The following SYNE1 variants were observed in gnomAD, a reference collection of about 807,000 sequenced individuals.
SYNE1 encodes spectrin repeat containing nuclear envelope protein 1.
SYNE1 carries 616 observed loss-of-function variants against 1,111.0 expected under a neutral mutation model. The observed-to-expected ratio is 0.55, with a 90% CI of 0.52 to 0.59. The LOEUF (loss-of-function observed/expected upper bound fraction) is 0.59. Among genes scored for constraint, SYNE1 ranks in the 20% least tolerant of loss-of-function variants. The pLI is 0.00. For synonymous variants in SYNE1, 3,855 were observed against 3,825.8 expected (o/e 1.01, Z -0.28); for missense variants, 10,006 against 10,417.0 (o/e 0.96, Z 1.72).
intron 11 of SYNE1, among the ~76,000 whole-genome samples, chr6:152,495,727 A>T (rs960669678): frequency 2.6e-5 from 4 of 152,114 alleles, no homozygotes; most frequent in African/African-American, 9.7e-5. Flanking sequence ...AAATTAGCCA[A>T]TTGAAATTAG....
At chr6:152,256,495 T>C (rs1476377969) in intron 102 of SYNE1, 139 bp downstream of exon 102, 3 of 975,880 alleles carry the variant, frequency 3.1e-6, no homozygotes, top group Non-Finnish European at 4.7e-6. Context: ...TCCAGTGATC[T>C]TTGTTTCAGC....
chr6:152,510,238 T>A lies in SYNE1; in HGVS notation c.536A>T (p.Asn179Ile). ...CCACTTTAATAAAGCCTTCTTAGCA[T>A]TTCCTTGGATCTTGGTGGTCACCTT... ...KRKVTTKIQG[N>I]AKKALLKWVQ... The change falls in exon 8 of 146, where the codon AAT (asparagine) becomes ATT (isoleucine). Residue 179 changes from asparagine to isoleucine, a missense_variant. By Grantham distance (149) the Asn-to-Ile change is moderately radical. Transcript: ENST00000367255. 1 of 1,614,110 alleles carries A rather than the reference T, an allele frequency of 6.2e-7. No homozygotes were observed. Among genetic ancestry groups the A allele is most frequent in the Non-Finnish European group, 8.5e-7 (1 of 1,179,972 alleles).
chr6:152,584,874 A>G (rs1233754531), intron 3 of SYNE1, among the ~76,000 whole-genome samples: 1 of 152,210 alleles, frequency 6.6e-6, no homozygotes, highest in Admixed American at 6.5e-5. Context: ...TAATAGCTGC[A>G]TAATGTTGCA....
chr6:152,596,266 G>GGTT (rs2099581243), intron 3 of SYNE1, among the ~76,000 whole-genome samples: 2 of 118,732 alleles, frequency 1.7e-5, no homozygotes, highest in Admixed American at 9.4e-5. Flanking sequence ...TTTTTTGTTT[G>GGTT]TTTGTTTTTT....
At chr6:152,440,706 T>C (rs187907800) in intron 32 of SYNE1, among the ~76,000 whole-genome samples, 3 of 151,920 alleles carry the variant, frequency 2.0e-5, no homozygotes, top group African/African-American at 4.8e-5. Context: ...TAGCTGGGAC[T>C]ACAGGTGTGT....
intron 127 of SYNE1, among the ~76,000 whole-genome samples, chr6:152,192,427 T>G (rs1473805067): frequency 7.9e-6 from 1 of 126,528 alleles, no homozygotes. Context: ...CCTGGATACA[T>G]GAGCATACAT....
At chr6:152,145,390 G>T (rs974679766) in intron 137 of SYNE1, 21 of 1,197,862 alleles carry the variant, frequency 1.8e-5, no homozygotes, top group African/African-American at 3.0e-5. Flanking sequence ...TAACATGCTA[G>T]AGCCACAAAG....
At chr6:152,432,944 G>T (rs990401010) in intron 34 of SYNE1, among the ~76,000 whole-genome samples, 1 of 152,022 alleles carries the variant, frequency 6.6e-6, no homozygotes, top group Non-Finnish European at 1.5e-5. Flanking sequence ...TCTGCACAGC[G>T]GGTAATCTTA....
At position 152,461,727 on chromosome 6, in the gene SYNE1, C is replaced by G; in HGVS notation, c.2264G>C (p.Arg755Thr). Reference sequence around the variant, plus strand: ...GTATTGGGCATCCATCACAGGCACCCTCTGCTCAATATCCTGCATGAATCA... The same window carrying G: ...GTATTGGGCATCCATCACAGGCACCGTCTGCTCAATATCCTGCATGAATCA... ...LIQDLEDIEQ[R>T]VPVMDAQYKI... is the part of the protein sequence containing the mutation. Residue 755 changes from arginine to threonine, a missense_variant, in exon 21 of 146, where the codon AGG (arginine) becomes ACG (threonine). Around this residue, in one of 7 missense-constraint regions of SYNE1, gnomAD observed 1,971 missense variants for 2,084.1 expected, o/e 0.95. Transcript: ENST00000367255. The G allele has an allele frequency of 6.2e-7, 1 of 1,613,956 alleles. No individual in the cohort carries two copies. Among genetic ancestry groups the G allele is most frequent in the Non-Finnish European group, 8.5e-7 (1 of 1,179,930 alleles).
In SYNE1 at chr6:152,338,769, C is replaced by G. The variant is rs78755275; in HGVS notation, c.12351+472G>C. Reference sequence around the variant, plus strand: ...TACTGCTAGCTCATCATAGCCCAGACAGTTTCAAAATCCTTCTGAACACCA... The same window carrying G: ...TACTGCTAGCTCATCATAGCCCAGAGAGTTTCAAAATCCTTCTGAACACCA... On this transcript the variant is annotated intron_variant, in intron 75 of 145. Transcript: ENST00000367255. Among the ~76,000 whole-genome samples the G allele has an allele frequency of 4.7e-3, 720 of 152,294 alleles. 6 individuals are homozygous for G. Among genetic ancestry groups the G allele is most frequent in the African/African-American group, 0.016 (682 of 41,566 alleles).
intron 3 of SYNE1, among the ~76,000 whole-genome samples, chr6:152,575,237 C>T (rs1262425387): frequency 1.3e-5 from 2 of 152,176 alleles, no homozygotes; most frequent in Non-Finnish European, 2.9e-5. Flanking sequence ...TAATGTCATA[C>T]TGCATTGAGC....
intron 125 of SYNE1, 106 bp from the exon 126 acceptor site, chr6:152,206,468 C>T: frequency 8.0e-7 from 1 of 1,248,064 alleles, no homozygotes; most frequent in East Asian, 2.5e-5. Context: ...ATCCAGCAAG[C>T]ATTTACCGTA....
In SYNE1 at chr6:152,215,038, C is replaced by A. The variant is rs778036632; in HGVS notation, c.22214G>T (p.Ser7405Ile). 6.2e-7 allele frequency: 1 copy of A among 1,614,008 alleles called. No individual in the cohort carries two copies. The highest frequency in any genetic ancestry group is 8.5e-7 in the Non-Finnish European group (1 of 1,179,982). ...ELKGQMLKFSSMAPDLDRLNE... is the reference protein window; with the variant it reads ...ELKGQMLKFSIMAPDLDRLNE... ...TAGACGGTCTAAATCTGGAGCCATG[C>A]TGCTGAATTTTAACATCTGTCCCTA... The change falls in exon 122 of 146, where the codon AGC becomes ATC. Residue 7405 changes from serine (S) to isoleucine (I), a missense_variant. By Grantham distance (142) the Ser-to-Ile change is moderately radical. Around this residue, in one of 7 missense-constraint regions of SYNE1, gnomAD observed 2,182 missense variants for 2,287.8 expected, o/e 0.95. Coordinates refer to ENST00000367255, the MANE Select transcript of SYNE1 (RefSeq NM_182961.4).
chr6:152,439,058 T>TTA (rs2098503046), intron 32 of SYNE1, among the ~76,000 whole-genome samples: 1 of 152,250 alleles, frequency 6.6e-6, no homozygotes, highest in Non-Finnish European at 1.5e-5. Flanking sequence ...TGATACCTAT[T>TTA]TCTTAGGACT....
chr6:152,333,123 CAGA>C (rs1193087198), intron 77 of SYNE1, among the ~76,000 whole-genome samples: 11 of 152,106 alleles, frequency 7.2e-5, no homozygotes, highest in African/African-American at 2.2e-4. Flanking sequence ...TAAATCGGTG[CAGA>C]AGAAGTGTAG....
chr6:152,243,711 C>G (rs2086357278), intron 106 of SYNE1, among the ~76,000 whole-genome samples: 1 of 152,140 alleles, frequency 6.6e-6, no homozygotes. Context: ...TTTATTTTCT[C>G]AAAGAAAGAA....
In SYNE1 at chr6:152,510,360, C is replaced by A; in HGVS notation, c.414G>T (p.Leu138Phe). The A allele has an allele frequency of 1.9e-6, 3 of 1,613,672 alleles. No homozygotes were observed. The South Asian group carries it at 3.3e-5, about 18-fold the overall frequency. The change falls in exon 8 of 146, where the codon TTG becomes TTT. Residue 138 changes from leucine to phenylalanine, a missense_variant. By Grantham distance (22) the Leu-to-Phe change is conservative. Around this residue, in one of 7 missense-constraint regions of SYNE1, gnomAD observed 1,971 missense variants for 2,084.1 expected, o/e 0.95. Coordinates refer to ENST00000367255, the MANE Select transcript of SYNE1 (RefSeq NM_182961.4). ...ACTGGAGCTGGGGCAGGTTGCTGGT[C>A]AACTCTTCAATCTGTTTGTGAGTTA... ...TIILYFQIEE[L>F]TSNLPQLQSL...
intron 114 of SYNE1, 27 bp downstream of exon 114, chr6:152,231,364 C>T (rs2082714350): frequency 1.9e-6 from 3 of 1,613,576 alleles, no homozygotes; most frequent in African/African-American, 2.7e-5. Flanking sequence ...TCATGTAAAT[C>T]TGGACAGTGG....
At chr6:152,474,540 T>C (rs979295995) in intron 14 of SYNE1, 2 of 152,220 alleles carry the variant, frequency 1.3e-5, no homozygotes, top group African/African-American at 4.8e-5. Context: ...GGCCAGGTTA[T>C]TAGCAAATGC....
Sources: gnomAD v4.1 joint callset for allele counts (sites outside exome capture counted in the v4.1 genomes callset) on GRCh38, gnomAD v4.1.1 for gene constraint, gnomAD v4.1.1 regional missense constraint, MANE v1.5 for transcripts, NCBI Gene and HGNC (gene_info 2026-07-23, HGNC 2026-07-21) for gene names.